SEMA3A: variants seen among roughly 807,000 people sequenced by gnomAD.
SEMA3A encodes the protein semaphorin-3A.
Under a neutral mutation model 97.9 loss-of-function variants are expected in SEMA3A, and 29 were observed. The observed-to-expected ratio is 0.30, with a 90% confidence interval of 0.22 to 0.40. The LOEUF is 0.40. Ranked by LOEUF, SEMA3A falls within the 10% of genes least tolerant of loss-of-function variation. SEMA3A has a pLI of 1.00. For missense variants in SEMA3A, 763 were observed against 951.3 expected (o/e 0.80, Z 2.60); for synonymous variants, 321 against 323.7 (o/e 0.99, Z 0.09).
intron 1 of SEMA3A, among the ~76,000 whole-genome samples, chr7:84,425,871 CA>C (rs1804811915): frequency 1.0e-5 from 1 of 99,594 alleles, no homozygotes; most frequent in Admixed American, 1.2e-4. Flanking sequence ...CACACACACA[CA>C]CACACCCACA....
chr7:84,489,387 A>T (rs1308206851), intron 1 of SEMA3A, among the ~76,000 whole-genome samples: 1 of 152,146 alleles, frequency 6.6e-6, no homozygotes, highest in Non-Finnish European at 1.5e-5. Context: ...CATGTCACTA[A>T]GCAAGTCCCT....
chr7:84,227,141 G>T (rs1010718882), intron 3 of SEMA3A, among the ~76,000 whole-genome samples: 4 of 151,470 alleles, frequency 2.6e-5, no homozygotes, highest in Non-Finnish European at 5.9e-5. Context: ...TATCTATATA[G>T]ATATCTATAT....
intron 5 of SEMA3A, among the ~76,000 whole-genome samples, chr7:84,048,242 GT>G (rs1792439508): frequency 6.6e-6 from 1 of 151,936 alleles, no homozygotes; most frequent in Admixed American, 6.6e-5. Flanking sequence ...TAAATATCAA[GT>G]GTAAATCTGA....
intron 1 of SEMA3A, among the ~76,000 whole-genome samples, chr7:84,169,297 T>G (rs867851300): frequency 6.6e-6 from 1 of 151,482 alleles, no homozygotes. Flanking sequence ...CCACAAGTAT[T>G]CAAGAGTGAA....
At chr7:84,160,285 C>T (rs1796990700) in intron 1 of SEMA3A, among the ~76,000 whole-genome samples, 2 of 151,344 alleles carry the variant, frequency 1.3e-5, no homozygotes, top group Admixed American at 6.6e-5. Flanking sequence ...ATCGTTAGTT[C>T]GTTCTAAACT....
At chr7:84,430,701 G>A (rs1804956101) in intron 1 of SEMA3A, among the ~76,000 whole-genome samples, 1 of 151,956 alleles carries the variant, frequency 6.6e-6, no homozygotes, top group Non-Finnish European at 1.5e-5. Flanking sequence ...GGTTGGCTGA[G>A]AGAGCCAGGC....
At chr7:83,997,393 G>T (rs1162911691) in intron 12 of SEMA3A, among the ~76,000 whole-genome samples, 3 of 152,048 alleles carry the variant, frequency 2.0e-5, no homozygotes, top group Non-Finnish European at 4.4e-5. Flanking sequence ...TGTGTTGTGG[G>T]TTTTTTTCCT....
intron 1 of SEMA3A, among the ~76,000 whole-genome samples, chr7:84,487,916 A>G (rs1806617229): frequency 6.6e-6 from 1 of 152,194 alleles, no homozygotes; most frequent in Non-Finnish European, 1.5e-5. Flanking sequence ...ACTCTTTTGT[A>G]GAAAATGAGT....
At chr7:84,070,796 GC>G (rs1282067074) in intron 4 of SEMA3A, among the ~76,000 whole-genome samples, 3 of 151,788 alleles carry the variant, frequency 2.0e-5, no homozygotes, top group African/African-American at 7.3e-5. Flanking sequence ...CTCATCCTCA[GC>G]CCCCAGCCTG....
chr7:84,150,631 A>T (rs1215186790), intron 1 of SEMA3A, among the ~76,000 whole-genome samples: 6 of 152,082 alleles, frequency 3.9e-5, no homozygotes, highest in Admixed American at 6.5e-5. Context: ...GCAGTCTGAG[A>T]TCAAACTGCA....
intron 3 of SEMA3A, among the ~76,000 whole-genome samples, chr7:84,274,199 C>G (rs561851019): frequency 6.6e-6 from 1 of 151,912 alleles, no homozygotes; most frequent in African/African-American, 2.4e-5. Flanking sequence ...CCAGGTGAAC[C>G]GAAAGTGCAT....
chr7:84,343,401 T>C (rs139939204), intron 2 of SEMA3A, among the ~76,000 whole-genome samples: 262 of 152,318 alleles, frequency 1.7e-3, no homozygotes, highest in African/African-American at 6.0e-3. Context: ...GGGTGGACCA[T>C]ATGGAAAATT....
At chr7:84,136,657 T>C (rs1376660197) in intron 1 of SEMA3A, among the ~76,000 whole-genome samples, 1 of 152,184 alleles carries the variant, frequency 6.6e-6, no homozygotes, top group Non-Finnish European at 1.5e-5. Flanking sequence ...ATTATTGCAA[T>C]CTTATCTACC....
intron 1 of SEMA3A, among the ~76,000 whole-genome samples, chr7:84,414,424 T>C (rs1584305710): frequency 6.6e-6 from 1 of 150,606 alleles, no homozygotes; most frequent in Non-Finnish European, 1.5e-5. Context: ...TATTGTTATG[T>C]AGCCTCAAAG....
chr7:84,065,744 C>A (rs1018592158), intron 4 of SEMA3A, among the ~76,000 whole-genome samples: 2 of 152,104 alleles, frequency 1.3e-5, no homozygotes, highest in African/African-American at 2.4e-5. Flanking sequence ...TCTGAGTAGA[C>A]CAATAACAGG....
At chr7:84,007,571 C>T in intron 9 of SEMA3A, 74 bp from the exon 10 acceptor site, 1 of 1,118,086 alleles carries the variant, frequency 8.9e-7, no homozygotes, top group Non-Finnish European at 1.2e-6. Context: ...ATACTGAGTT[C>T]TTACATTTTA....
chr7:84,145,464 GA>G (rs1318745782), intron 1 of SEMA3A, among the ~76,000 whole-genome samples: 13 of 151,966 alleles, frequency 8.6e-5, no homozygotes, highest in African/African-American at 3.1e-4. Context: ...AAATATCTAA[GA>G]AAAAGCAAAT....
intron 5 of SEMA3A, among the ~76,000 whole-genome samples, chr7:84,057,008 T>G (rs1425587510): frequency 2.0e-5 from 3 of 152,210 alleles, no homozygotes; most frequent in African/African-American, 7.2e-5. Context: ...ACAAGGAAAC[T>G]GAGGCTCAGA....
chr7:83,982,732 T>C (rs1789466428), intron 13 of SEMA3A, among the ~76,000 whole-genome samples: 1 of 152,116 alleles, frequency 6.6e-6, no homozygotes, highest in Admixed American at 6.5e-5. Flanking sequence ...TTTCTAATAG[T>C]TAACAATGAA....
Sources: allele counts gnomAD v4.1 joint callset (sites outside exome capture counted in the v4.1 genomes callset), GRCh38; gene constraint gnomAD v4.1.1; transcripts MANE v1.5; gene names NCBI Gene and HGNC (gene_info 2026-07-23, HGNC 2026-07-21).